The following PLD5 variants were observed in gnomAD, a reference collection of about 807,000 sequenced individuals.
The protein encoded by PLD5 is phospholipase D family member 5.
A neutral mutation model predicts 61.1 loss-of-function variants in PLD5; 36 were observed. The observed-to-expected ratio is 0.59, with a 90% CI of 0.45 to 0.78. The LOEUF (loss-of-function observed/expected upper bound fraction) is 0.78, where lower values mean the gene tolerates loss of function less well. Among genes scored for constraint, PLD5 ranks in the 30% least tolerant of loss-of-function variants. PLD5 has a pLI of 0.00. For synonymous variants in PLD5, 243 were observed against 242.8 expected (o/e 1.00, Z -0.01); for missense variants, 515 against 644.4 (o/e 0.80, Z 2.17).
rs1659575132 is a variant in PLD5 at position 242,088,457 on chromosome 1, A to G, written c.*1397T>C. On this transcript the variant is annotated 3_prime_UTR_variant, in exon 10 of 10. Transcript: ENST00000536534. ...ATATATTATAATGCTTAGCATTTATATAGGTTCTTTTGATTTCAAAACAAG... is the reference window on the plus strand; with the variant it reads ...ATATATTATAATGCTTAGCATTTATGTAGGTTCTTTTGATTTCAAAACAAG... 1 of 152,260 alleles carries G rather than the reference A, an allele frequency of 6.6e-6. No homozygotes were observed. Among genetic ancestry groups the G allele is most frequent in the African/African-American group, 2.4e-5 (1 of 41,474 alleles). The allele number at this position is 152,260 out of a possible 1,614,324, so 9.4% of individuals were successfully genotyped here. A position where few individuals can be genotyped will look rare whatever the true frequency, so the allele number is the denominator to read the frequency against.
intron 5 of PLD5, chr1:242,188,604 TGAC>T (rs1668054966): frequency 6.6e-6 from 1 of 152,212 alleles, no homozygotes; most frequent in Admixed American, 6.5e-5. Context: ...TCTCCGAGGA[TGAC>T]GAGTGATGGA....
chr1:242,489,363 G>A (rs566316746), intron 1 of PLD5, among the ~76,000 whole-genome samples: 2 of 131,148 alleles, frequency 1.5e-5, no homozygotes, highest in East Asian at 2.0e-4. Flanking sequence ...GTCACACCTC[G>A]ATACATTTGA....
chr1:242,164,441 G>A (rs953382135), intron 5 of PLD5, among the ~76,000 whole-genome samples: 1 of 151,694 alleles, frequency 6.6e-6, no homozygotes, highest in Non-Finnish European at 1.5e-5. Context: ...CTTGAAGCAT[G>A]ACCAGTCTCC....
chr1:242,524,346 G>A lies in PLD5; in HGVS notation c.-70C>T. The A allele has an allele frequency of 1.5e-6, 2 of 1,323,832 alleles. No homozygotes were observed. Among genetic ancestry groups the A allele is most frequent in the East Asian group, 3.1e-5 (1 of 32,140 alleles). The allele number at this position is 1,323,832 out of a possible 1,614,324, so 82.0% of individuals were successfully genotyped here. On this transcript the variant is annotated 5_prime_UTR_variant, in exon 1 of 10. Coordinates refer to ENST00000536534, the MANE Select transcript of PLD5 (RefSeq NM_001372062.1). ...GGGCGCGCGGGGAGCCGGGCGCGGA[G>A]GGCGAGCGGGAGGCCCAGCGGGAGC...
intron 1 of PLD5, among the ~76,000 whole-genome samples, chr1:242,410,861 C>T (rs1024192400): frequency 2.0e-5 from 3 of 150,728 alleles, no homozygotes; most frequent in African/African-American, 7.3e-5. Flanking sequence ...GGTGATCAAG[C>T]ACTACCCACA....
At chr1:242,408,168 A>G (rs146486165) in intron 1 of PLD5, among the ~76,000 whole-genome samples, 38 of 152,276 alleles carry the variant, frequency 2.5e-4, no homozygotes, top group African/African-American at 8.9e-4. Flanking sequence ...TTTTTACTAG[A>G]GGAGGAATAA....
At chr1:242,203,142 G>A (rs1308272198) in intron 5 of PLD5, among the ~76,000 whole-genome samples, 5 of 152,002 alleles carry the variant, frequency 3.3e-5, no homozygotes, top group Non-Finnish European at 7.4e-5. Context: ...CTTCATCTTT[G>A]CCTACCCGCC....
At chr1:242,105,607 A>T (rs927494334) in intron 8 of PLD5, among the ~76,000 whole-genome samples, 13 of 152,224 alleles carry the variant, frequency 8.5e-5, no homozygotes, top group African/African-American at 1.4e-4. Flanking sequence ...GATATAAATG[A>T]TATAGAGAAC....
chr1:242,217,159 A>G (rs552037034), intron 5 of PLD5, among the ~76,000 whole-genome samples: 16 of 152,362 alleles, frequency 1.1e-4, no homozygotes, highest in African/African-American at 3.8e-4. Flanking sequence ...TGTTGTCTAC[A>G]TGTCTGATAA....
intron 1 of PLD5, among the ~76,000 whole-genome samples, chr1:242,495,241 C>T (rs1668332633): frequency 6.6e-6 from 1 of 152,096 alleles, no homozygotes; most frequent in Admixed American, 6.6e-5. Context: ...CAGCTGGGAA[C>T]CATGTGGATG....
chr1:242,289,557 T>A (rs1296578488), intron 2 of PLD5, among the ~76,000 whole-genome samples: 1 of 152,184 alleles, frequency 6.6e-6, no homozygotes, highest in African/African-American at 2.4e-5. Context: ...TTCACCATGT[T>A]GGACAGGCTG....
At chr1:242,360,876 G>A (rs1023980315) in intron 1 of PLD5, among the ~76,000 whole-genome samples, 10 of 152,018 alleles carry the variant, frequency 6.6e-5, no homozygotes, top group African/African-American at 2.4e-4. Context: ...CTTTCAGCAA[G>A]GTTTAAAGTA....
At chr1:242,325,631 C>T (rs1658725506) in intron 2 of PLD5, among the ~76,000 whole-genome samples, 1 of 152,028 alleles carries the variant, frequency 6.6e-6, no homozygotes, top group Non-Finnish European at 1.5e-5. Flanking sequence ...AATTTGAACC[C>T]TTTCATGCTG....
intron 2 of PLD5, among the ~76,000 whole-genome samples, chr1:242,330,187 ATAT>A (rs757920847): frequency 6.6e-6 from 1 of 152,178 alleles, no homozygotes; most frequent in Non-Finnish European, 1.5e-5. Flanking sequence ...TTCATCAGCC[ATAT>A]TATTATTAAC....
At chr1:242,246,527 T>C (rs1672377098) in intron 4 of PLD5, among the ~76,000 whole-genome samples, 1 of 93,900 alleles carries the variant, frequency 1.1e-5, no homozygotes, top group Admixed American at 1.0e-4. Context: ...AAAAGCAAAA[T>C]CAGCTATAAT....
At chr1:242,366,891 G>GAAAAA (rs1444602524) in intron 1 of PLD5, among the ~76,000 whole-genome samples, 5 of 151,862 alleles carry the variant, frequency 3.3e-5, no homozygotes, top group Non-Finnish European at 5.9e-5. Context: ...TACAACCCTG[G>GAAAAA]TTATTTTTAT....
chr1:242,339,192 T>C (rs1659697137), intron 2 of PLD5, among the ~76,000 whole-genome samples: 2 of 152,182 alleles, frequency 1.3e-5, no homozygotes, highest in Non-Finnish European at 2.9e-5. Flanking sequence ...TGTATTTTCA[T>C]GGAAACTATC....
At chr1:242,462,693 G>A (rs1189376015) in intron 1 of PLD5, among the ~76,000 whole-genome samples, 1 of 152,022 alleles carries the variant, frequency 6.6e-6, no homozygotes, top group African/African-American at 2.4e-5. Flanking sequence ...GGGAGGCTGT[G>A]TTTTCTCCCT....
At chr1:242,255,918 A>G (rs1464611408) in intron 4 of PLD5, among the ~76,000 whole-genome samples, 1 of 152,276 alleles carries the variant, frequency 6.6e-6, no homozygotes, top group Non-Finnish European at 1.5e-5. Context: ...TTAATGAATA[A>G]AATTTAGTCA....
Sources: gnomAD v4.1 joint callset for allele counts (sites outside exome capture counted in the v4.1 genomes callset) on GRCh38, gnomAD v4.1.1 for gene constraint, MANE v1.5 for transcripts, NCBI Gene and HGNC (gene_info 2026-07-23, HGNC 2026-07-21) for gene names.